The following KCNMA1 variants were observed in gnomAD, a reference collection of about 807,000 sequenced individuals.
KCNMA1 encodes the protein potassium calcium-activated channel subfamily M alpha 1, also known as Calcium-activated potassium channel subunit alpha-1.
In KCNMA1, 29 loss-of-function variants were observed where a neutral mutation model predicts 140.0. That is an observed-to-expected ratio of 0.21 (90% CI 0.15 to 0.28). The LOEUF is 0.28. Among genes scored for constraint, KCNMA1 ranks in the 10% least tolerant of loss-of-function variants. KCNMA1 has a pLI of 1.00. For missense variants in KCNMA1, 880 were observed against 1,602.2 expected, an observed-to-expected ratio of 0.55 and a Z score of 7.70; for synonymous variants, 612 against 611.9, an observed-to-expected ratio of 1.00 and a Z score of 0.00.
At chr10:77,523,017 G>A (rs1219274256) in intron 1 of KCNMA1, among the ~76,000 whole-genome samples, 1 of 152,010 alleles carries the variant, frequency 6.6e-6, no homozygotes, top group East Asian at 1.9e-4. Context: ...CCTCTATGTA[G>A]TCCTCCTGAA....
intron 1 of KCNMA1, among the ~76,000 whole-genome samples, chr10:77,630,473 T>C (rs1442567630): frequency 6.6e-6 from 1 of 152,146 alleles, no homozygotes; most frequent in East Asian, 1.9e-4. Context: ...AGCAGGCACC[T>C]GGACCATCAG....
chr10:77,506,594 AGAGT>A (rs1464118760), intron 1 of KCNMA1, among the ~76,000 whole-genome samples: 1 of 88,698 alleles, frequency 1.1e-5, no homozygotes, highest in South Asian at 3.8e-4. Context: ...AGAGAGAGAG[AGAGT>A]GTGTGTGTGT....
In KCNMA1 at chr10:77,358,588, C is replaced by T. The variant is rs578163849; in HGVS notation, c.540+45274G>A. Among the ~76,000 whole-genome samples, 10 of 152,266 alleles carry T rather than the reference C, an allele frequency of 6.6e-5. No homozygotes were observed. The East Asian group carries it at 1.9e-3, about 29-fold the overall frequency. On this transcript the variant is annotated intron_variant, in intron 2 of 27. Coordinates refer to ENST00000286628, the MANE Select transcript of KCNMA1 (RefSeq NM_001161352.2). ...GCCCAGAGGGCCTGACCCTCTAACGCCTGTCCCAGACCACTCTCTCCCTCC... is the reference window on the plus strand; with the variant it reads ...GCCCAGAGGGCCTGACCCTCTAACGTCTGTCCCAGACCACTCTCTCCCTCC...
intron 9 of KCNMA1, among the ~76,000 whole-genome samples, chr10:77,099,513 G>A (rs906368981): frequency 2.0e-5 from 3 of 152,076 alleles, no homozygotes; most frequent in African/African-American, 7.2e-5. Flanking sequence ...TCAGGAGTTC[G>A]AGACCAGCCT....
At chr10:77,266,058 G>A (rs1386343689) in intron 2 of KCNMA1, among the ~76,000 whole-genome samples, 2 of 138,388 alleles carry the variant, frequency 1.4e-5, no homozygotes, top group East Asian at 4.1e-4. Context: ...TCCAACCTGG[G>A]CAATGAGAGT....
chr10:76,939,363 AC>A (rs2061423378), intron 23 of KCNMA1: 1 of 152,200 alleles, frequency 6.6e-6, no homozygotes, highest in Non-Finnish European at 1.5e-5. Flanking sequence ...CTTGTGATCC[AC>A]CTGCCTTGGC....
intron 19 of KCNMA1, chr10:76,979,420 G>A (rs1323269085): frequency 6.6e-6 from 1 of 152,072 alleles, no homozygotes; most frequent in African/African-American, 2.4e-5. Flanking sequence ...TTCCACTTTG[G>A]GGTGAAAGTT....
intron 1 of KCNMA1, among the ~76,000 whole-genome samples, chr10:77,445,065 A>C (rs1021141299): frequency 6.6e-6 from 1 of 152,188 alleles, no homozygotes. Flanking sequence ...CACCCCAGAC[A>C]GGGCCAGAAT....
rs142880918 is a variant in KCNMA1, at chr10:77,601,754, G to A, written c.378+35511C>T. On this transcript the variant is annotated intron_variant, in intron 1 of 27. Transcript: ENST00000286628. ...AGCACCAAGGCCACTTTATTTGTCA[G>A]TGACTCAACCAGGAACCACATGGAC... 6.9e-3 allele frequency among the ~76,000 whole-genome samples: 1,058 copies of A among 152,288 alleles called. 19 individuals carry two copies. Among genetic ancestry groups the A allele is most frequent in the African/African-American group, 0.025 (1,020 of 41,560 alleles).
chr10:76,933,562 A>C (rs543235185), intron 23 of KCNMA1, among the ~76,000 whole-genome samples: 1 of 152,320 alleles, frequency 6.6e-6, no homozygotes, highest in African/African-American at 2.4e-5. Context: ...TCTGTTACTC[A>C]GCTTCAGCCC....
intron 3 of KCNMA1, among the ~76,000 whole-genome samples, chr10:77,210,724 T>C (rs1458849393): frequency 1.3e-5 from 2 of 152,162 alleles, no homozygotes; most frequent in African/African-American, 4.8e-5. Flanking sequence ...GGTTTCAGAA[T>C]ACAAAATCAA....
At chr10:77,351,441 A>G (rs150933977) in intron 2 of KCNMA1, among the ~76,000 whole-genome samples, 24 of 152,290 alleles carry the variant, frequency 1.6e-4, no homozygotes, top group African/African-American at 5.5e-4. Context: ...TTAGAACACA[A>G]TGACCCTGAT....
Position 76,970,059 on chromosome 10 carries a change from C to T in KCNMA1, c.2275G>A (p.Glu759Lys). Reference protein sequence around the residue: ...CSTSFRAFEDEQPSTLSPKKK... With the variant: ...CSTSFRAFEDKQPSTLSPKKK... Reference sequence around the variant, plus strand: ...TTTGGTGATAGTGTTGACGGCTGCTCATCTTCAACTGGAAATACAGGCAGC... The same window carrying T: ...TTTGGTGATAGTGTTGACGGCTGCTTATCTTCAACTGGAAATACAGGCAGC... Residue 759 changes from glutamate to lysine, a missense_variant, in exon 20 of 28, where the codon GAG (glutamate) becomes AAG (lysine). Physicochemically the swap from Glu to Lys is moderately conservative, Grantham distance 56 (BLOSUM62 1). Coordinates refer to ENST00000286628, the MANE Select transcript of KCNMA1 (RefSeq NM_001161352.2). The T allele has an allele frequency of 6.2e-7, 1 of 1,613,650 alleles. No homozygotes were observed. Among genetic ancestry groups the T allele is most frequent in the Non-Finnish European group, 8.5e-7 (1 of 1,179,754 alleles).
Position 77,621,770 on chromosome 10 carries a change from A to G in KCNMA1, c.378+15495T>C, listed in dbSNP as rs1388276042. Among the ~76,000 whole-genome samples, 6 of 152,182 alleles carry G rather than the reference A, an allele frequency of 3.9e-5. No individual in the cohort carries two copies. In the East Asian group the frequency reaches 7.7e-4, roughly 20 times the overall value. ...TGGCGAAACTCCATCTCCACCAAAA[A>G]TACAAAAAATTAGCCAGGCATGATG... On this transcript the variant is annotated intron_variant, in intron 1 of 27. Transcript: ENST00000286628.
At chr10:77,201,025 C>T (rs184961665) in intron 3 of KCNMA1, among the ~76,000 whole-genome samples, 1 of 152,220 alleles carries the variant, frequency 6.6e-6, no homozygotes, top group East Asian at 1.9e-4. Flanking sequence ...AGAATCCTGA[C>T]CTTTAGATTT....
At chr10:77,341,142 G>A (rs191200176) in intron 2 of KCNMA1, among the ~76,000 whole-genome samples, 42 of 152,254 alleles carry the variant, frequency 2.8e-4, no homozygotes, top group Admixed American at 2.6e-3. Context: ...ACACCTCACC[G>A]TTCTGTATGT....
At chr10:77,181,027 G>T (rs1296318014) in intron 5 of KCNMA1, among the ~76,000 whole-genome samples, 1 of 152,114 alleles carries the variant, frequency 6.6e-6, no homozygotes, top group Non-Finnish European at 1.5e-5. Flanking sequence ...AGGAAGCTGG[G>T]CTCCACACTT....
chr10:77,270,344 T>C (rs1455333415), intron 2 of KCNMA1, among the ~76,000 whole-genome samples: 1 of 152,138 alleles, frequency 6.6e-6, no homozygotes, highest in Non-Finnish European at 1.5e-5. Context: ...GTGGTGCATG[T>C]TGGTCCCGGG....
chr10:77,022,949 G>A (rs887381219), intron 16 of KCNMA1: 15 of 455,096 alleles, frequency 3.3e-5, no homozygotes, highest in African/African-American at 2.8e-4. Flanking sequence ...TGCAAAGTTG[G>A]GGCAATTGAT....
Sources: allele counts gnomAD v4.1 joint callset (sites outside exome capture counted in the v4.1 genomes callset), GRCh38; gene constraint gnomAD v4.1.1; transcripts MANE v1.5; gene names NCBI Gene and HGNC (gene_info 2026-07-23, HGNC 2026-07-21).